ROBO2: variants seen among roughly 807,000 people sequenced by gnomAD.
ROBO2 encodes the protein roundabout homolog 2.
Under a neutral mutation model 160.8 loss-of-function variants are expected in ROBO2, and 53 were observed. That is an observed-to-expected ratio of 0.33 (90% CI 0.26 to 0.41). ROBO2 has a LOEUF of 0.41. Among genes scored for constraint, ROBO2 ranks in the 10% least tolerant of loss-of-function variants. The pLI is 1.00. For synonymous variants in ROBO2, 664 were observed against 611.7 expected (o/e 1.09, Z -1.26); for missense variants, 1,577 against 1,722.4 (o/e 0.92, Z 1.49).
At chr3:77,649,391 A>G (rs1160733123) in exon 26 of ROBO2, 1 of 152,182 alleles carries the variant, frequency 6.6e-6, no homozygotes, top group Non-Finnish European at 1.5e-5. Flanking sequence ...GTAATTGTCC[A>G]TTGACAATAT....
rs191305030 is a variant in ROBO2 at position 76,871,931 on chromosome 3, G to A, written c.110-226083G>A. ...ACCTGGCAGAAATAATGACAAGGCT[G>A]CAACTCAGCAGTAAGTCTTCACATT... is the stretch of plus-strand genomic sequence containing the variant. On this transcript the variant is annotated intron_variant, in intron 2 of 26. Transcript: ENST00000487694. Among the ~76,000 whole-genome samples the A allele has an allele frequency of 1.6e-3, 237 of 152,308 alleles. 1 individual carries two copies. Among genetic ancestry groups the A allele is most frequent in the African/African-American group, 5.0e-3 (207 of 41,564 alleles).
intron 2 of ROBO2, among the ~76,000 whole-genome samples, chr3:75,939,330 A>G (rs963306738): frequency 6.6e-6 from 1 of 152,168 alleles, no homozygotes; most frequent in Non-Finnish European, 1.5e-5. Context: ...ATAGGTTACT[A>G]GATATTTAAA....
intron 2 of ROBO2, among the ~76,000 whole-genome samples, chr3:76,232,430 T>C (rs1470544007): frequency 6.6e-6 from 1 of 152,196 alleles, no homozygotes; most frequent in African/African-American, 2.4e-5. Context: ...ACAACGTATT[T>C]GAACCTGTAA....
chr3:77,250,716 G>T (rs2090246388), intron 2 of ROBO2, among the ~76,000 whole-genome samples: 1 of 152,154 alleles, frequency 6.6e-6, no homozygotes, highest in Non-Finnish European at 1.5e-5. Context: ...TCTGGTGTTG[G>T]CCTTCTTGCT....
chr3:76,841,967 G>T (rs1448660384), intron 2 of ROBO2, among the ~76,000 whole-genome samples: 1 of 152,086 alleles, frequency 6.6e-6, no homozygotes, highest in African/African-American at 2.4e-5. Context: ...GTCAAAACAG[G>T]ATAAAACCAC....
At chr3:76,096,424 G>A (rs1256018610) in intron 2 of ROBO2, among the ~76,000 whole-genome samples, 1 of 152,138 alleles carries the variant, frequency 6.6e-6, no homozygotes, top group Non-Finnish European at 1.5e-5. Context: ...TGTTAACCCA[G>A]AGGAAGATCA....
chr3:76,036,585 A>T (rs984744312), intron 2 of ROBO2, among the ~76,000 whole-genome samples: 1 of 151,290 alleles, frequency 6.6e-6, no homozygotes, highest in Non-Finnish European at 1.5e-5. Flanking sequence ...GCTCACCGCA[A>T]CCTCTGCCTC....
intron 2 of ROBO2, among the ~76,000 whole-genome samples, chr3:76,491,421 T>C (rs1229805200): frequency 1.3e-5 from 2 of 152,040 alleles, no homozygotes; most frequent in Non-Finnish European, 2.9e-5. Flanking sequence ...CACAATTAAG[T>C]AGAATGAGAG....
At chr3:77,270,693 C>G (rs966192845) in intron 2 of ROBO2, among the ~76,000 whole-genome samples, 1 of 151,826 alleles carries the variant, frequency 6.6e-6, no homozygotes, top group African/African-American at 2.4e-5. Flanking sequence ...ACCTGTAATC[C>G]CAGCACTTTG....
Position 76,622,303 on chromosome 3 carries a change from AAAGAAAG to A in ROBO2, c.110-475708_110-475702del, listed in dbSNP as rs1210875036. On this transcript the variant is annotated intron_variant, in intron 2 of 26. Transcript: ENST00000487694. ...GAAAGAAAGAAAGAAAGAAAGAAAG[AAAGAAAG>A]AAAACATAGCCAGGTGTAGTGGTGC... Among the ~76,000 whole-genome samples the A allele has an allele frequency of 2.7e-4, 29 of 108,102 alleles. 3 individuals carry two copies. The highest frequency in any genetic ancestry group is 1.1e-3 in the African/African-American group (29 of 27,338). 70.9% of individuals were successfully genotyped at this position (108,102 alleles called of 152,430 possible).
At chr3:76,595,043 T>C (rs1363390956) in intron 2 of ROBO2, among the ~76,000 whole-genome samples, 2 of 151,914 alleles carry the variant, frequency 1.3e-5, no homozygotes, top group Non-Finnish European at 2.9e-5. Flanking sequence ...CTGATGAGAC[T>C]GGAGAAAGAT....
intron 2 of ROBO2, among the ~76,000 whole-genome samples, chr3:76,151,296 C>A (rs1476343725): frequency 2.0e-5 from 3 of 152,144 alleles, no homozygotes; most frequent in Non-Finnish European, 2.9e-5. Context: ...TTCCCCACCT[C>A]TCTCTTCCTG....
chr3:77,336,944 G>A (rs768400494), intron 2 of ROBO2, among the ~76,000 whole-genome samples: 5 of 152,074 alleles, frequency 3.3e-5, no homozygotes, highest in African/African-American at 7.2e-5. Context: ...TGCTAAATTC[G>A]GTATATGTCT....
intron 2 of ROBO2, among the ~76,000 whole-genome samples, chr3:76,001,978 T>A (rs1401655297): frequency 2.0e-5 from 3 of 152,238 alleles, no homozygotes; most frequent in Non-Finnish European, 4.4e-5. Context: ...CTCTTAGCAC[T>A]ATTGTCTTTT....
chr3:76,445,584 GAA>G lies in ROBO2; in HGVS notation c.109+507987_109+507988del, dbSNP rs1404285656. ...TACCAAAGCCTGGCAGAGACACAAC[GAA>G]AAAAGAGAATTTTAGACCAATATCC... On this transcript the variant is annotated intron_variant, in intron 2 of 26. Coordinates refer to the ROBO2 transcript ENST00000487694. Among the ~76,000 whole-genome samples, 4 of 151,816 alleles carry G rather than the reference GAA, an allele frequency of 2.6e-5. No individual in the cohort carries two copies. In the South Asian group the frequency reaches 8.3e-4, roughly 32 times the overall value.
chr3:76,344,248 G>GGTTTTTACACTGCA (rs1331830004), intron 2 of ROBO2, among the ~76,000 whole-genome samples: 1 of 152,094 alleles, frequency 6.6e-6, no homozygotes, highest in African/African-American at 2.4e-5. Context: ...TGCTATTCAA[G>GGTTTTTACACTGCA]GGTATTTACA....
chr3:77,110,997 A>G (rs2150177771), intron 2 of ROBO2, among the ~76,000 whole-genome samples: 1 of 152,304 alleles, frequency 6.6e-6, no homozygotes, highest in East Asian at 1.9e-4. Context: ...CCTGACTTAA[A>G]ACTATAAAAT....
At chr3:76,918,595 A>C (rs545755205) in intron 2 of ROBO2, among the ~76,000 whole-genome samples, 1 of 152,316 alleles carries the variant, frequency 6.6e-6, no homozygotes, top group Non-Finnish European at 1.5e-5. Context: ...ATGCTTTGTT[A>C]ATATGATTTC....
chr3:77,371,075 A>AT (rs2071686713), intron 2 of ROBO2, among the ~76,000 whole-genome samples: 2 of 152,126 alleles, frequency 1.3e-5, no homozygotes, highest in Admixed American at 6.6e-5. Flanking sequence ...TGGTGATATT[A>AT]TTTTTTTCTG....
Sources: gnomAD v4.1 joint callset for allele counts (sites outside exome capture counted in the v4.1 genomes callset) on GRCh38, gnomAD v4.1.1 for gene constraint, MANE v1.5 for transcripts, NCBI Gene and HGNC (gene_info 2026-07-23, HGNC 2026-07-21) for gene names.